The following B9D1 variants were observed in gnomAD, a reference collection of about 807,000 sequenced individuals.
B9D1 encodes B9 domain-containing protein 1.
In B9D1, 20 loss-of-function variants were observed where a neutral mutation model predicts 26.1. The ratio of observed to expected loss-of-function variants is 0.77; its 90% CI spans 0.54 to 1.12. The LOEUF (loss-of-function observed/expected upper bound fraction) is 1.12. Ranked by LOEUF, B9D1 falls within the 50% of genes most tolerant of loss-of-function variation. B9D1 has a pLI of 0.00. For missense variants in B9D1, 260 were observed against 273.7 expected (o/e 0.95, Z 0.35); for synonymous variants, 105 against 103.1 (o/e 1.02, Z -0.11).
At chr17:19,360,069 G>A (rs1171579911) in intron 2 of B9D1, among the ~76,000 whole-genome samples, 1 of 152,186 alleles carries the variant, frequency 6.6e-6, no homozygotes, top group Non-Finnish European at 1.5e-5. Context: ...CCTACTGCAG[G>A]TGTTGCTCTT....
At chr17:19,358,138 G>T (rs186786290) in intron 2 of B9D1, among the ~76,000 whole-genome samples, 187 bp from the exon 3 acceptor site, 1 of 151,986 alleles carries the variant, frequency 6.6e-6, no homozygotes, top group Non-Finnish European at 1.5e-5. Flanking sequence ...CTTTAACGCC[G>T]TAGCTTGACA....
At chr17:19,353,888 C>T (rs1300835132) in intron 3 of B9D1, among the ~76,000 whole-genome samples, 3 of 150,480 alleles carry the variant, frequency 2.0e-5, no homozygotes, top group Non-Finnish European at 3.0e-5. Context: ...TGCAGTGAGC[C>T]GAGATCGTGC....
At chr17:19,373,646 G>T (rs1471075738) in intron 1 of B9D1, among the ~76,000 whole-genome samples, 1 of 152,128 alleles carries the variant, frequency 6.6e-6, no homozygotes, top group East Asian at 1.9e-4. Flanking sequence ...TGATCCACCT[G>T]CCGCGGACTC....
chr17:19,369,997 A>G (rs1028414104), intron 1 of B9D1, among the ~76,000 whole-genome samples: 2 of 152,034 alleles, frequency 1.3e-5, no homozygotes, highest in African/African-American at 2.4e-5. Context: ...CTGCAGATTG[A>G]GAGAGGAAAC....
chr17:19,344,835 T>G (rs1280343606), intron 5 of B9D1, among the ~76,000 whole-genome samples: 2 of 152,190 alleles, frequency 1.3e-5, no homozygotes, highest in Non-Finnish European at 2.9e-5. Flanking sequence ...CAGGGAGCAC[T>G]GCCCACCAGC....
At chr17:19,376,229 G>A (rs906897514) in intron 1 of B9D1, among the ~76,000 whole-genome samples, 2 of 152,268 alleles carry the variant, frequency 1.3e-5, no homozygotes, top group Admixed American at 1.3e-4. Flanking sequence ...AGGAGTGACC[G>A]TTAATGGGTA....
upstream of B9D1, among the ~76,000 whole-genome samples, chr17:19,365,131 C>T (rs773253818): frequency 2.0e-5 from 3 of 152,262 alleles, no homozygotes; most frequent in South Asian, 2.1e-4. This position sits in a 1 kb window ranked among gnomAD's most constrained non-coding sequence, Gnocchi z 5.0. Flanking sequence ...GCCAGGGGGA[C>T]GGCCTGCACA....
intron 5 of B9D1, chr17:19,344,510 C>A: frequency 7.2e-6 from 2 of 279,640 alleles, no homozygotes; most frequent in South Asian, 2.7e-5. Flanking sequence ...GGCCCCGCCG[C>A]CGACACACCC....
At chr17:19,357,771 C>A (rs906343435) in intron 3 of B9D1, 69 bp downstream of exon 3, 6 of 1,129,002 alleles carry the variant, frequency 5.3e-6, no homozygotes, top group African/African-American at 1.5e-5. Flanking sequence ...CTGGATGAGG[C>A]AGAGGCTGTC....
At chr17:19,364,120 G>A (rs993711933), upstream of B9D1, among the ~76,000 whole-genome samples, 6 of 152,198 alleles carry the variant, frequency 3.9e-5, no homozygotes, top group South Asian at 1.2e-3. The surrounding 1 kb of genome is among the most constrained non-coding windows in gnomAD (Gnocchi z 4.3). Context: ...ACACAAGTTA[G>A]TTTTCAGCAA....
intron 1 of B9D1, among the ~76,000 whole-genome samples, chr17:19,361,370 A>C (rs1263835415): frequency 1.3e-5 from 2 of 152,134 alleles, no homozygotes; most frequent in African/African-American, 4.8e-5. Context: ...GGTGTAAGGG[A>C]ATGGTGCTGA....
Position 19,370,898 on chromosome 17 carries a change from C to G in B9D1, c.-298+6961G>C, listed in dbSNP as rs1282698467. On this transcript the variant is annotated intron_variant, in intron 1 of 5. Transcript: ENST00000477478. The surrounding 1 kb of genome is among the most constrained non-coding windows in gnomAD (Gnocchi z 5.1). ...CACTGAGCTGAGCCAAGGCAGGGGT[C>G]AATTCTGAAGGCCTGGATCCTCCAT... Among the ~76,000 whole-genome samples the G allele has an allele frequency of 2.0e-5, 3 of 152,190 alleles. No individual in the cohort carries two copies. The highest frequency in any genetic ancestry group is 4.4e-5 in the Non-Finnish European group (3 of 68,026).
chr17:19,342,550 G>A (rs561049203), downstream of B9D1, among the ~76,000 whole-genome samples: 2 of 152,234 alleles, frequency 1.3e-5, no homozygotes, highest in South Asian at 2.1e-4. Context: ...TCTTGTGAAG[G>A]TGGGGAGGCC....
At chr17:19,352,626 A>G (rs1032705139) in intron 3 of B9D1, among the ~76,000 whole-genome samples, 5 of 145,714 alleles carry the variant, frequency 3.4e-5, no homozygotes, top group Admixed American at 7.2e-5. Context: ...GGTTCAAGTG[A>G]TTGTCCTGCC....
At chr17:19,369,254 G>C (rs1220097478) in intron 1 of B9D1, among the ~76,000 whole-genome samples, 2 of 152,158 alleles carry the variant, frequency 1.3e-5, no homozygotes, top group Non-Finnish European at 2.9e-5. Flanking sequence ...TGTACGTCCA[G>C]GCAAAGAGCA....
intron 1 of B9D1, among the ~76,000 whole-genome samples, chr17:19,361,988 T>G (rs1242524006): frequency 2.0e-5 from 3 of 152,234 alleles, no homozygotes; most frequent in African/African-American, 7.2e-5. Flanking sequence ...AATAAATGAT[T>G]CCTCTAAAGT....
rs982612818 is a variant in B9D1 at position 19,372,851 on chromosome 17, C to T, written c.-298+5008G>A. Among the ~76,000 whole-genome samples, 6 of 152,216 alleles carry T rather than the reference C, an allele frequency of 3.9e-5. No homozygotes were observed. Among genetic ancestry groups the T allele is most frequent in the Non-Finnish European group, 7.3e-5 (5 of 68,040 alleles). On this transcript the variant is annotated intron_variant, in intron 1 of 5. Coordinates refer to the B9D1 transcript ENST00000477478. This position sits in a 1 kb window ranked among gnomAD's most constrained non-coding sequence, Gnocchi z 4.4. ...GCACCCTGCTCGGACAATTCACCTG[C>T]GCTCCTCAAAGTTTTTAACCACACC...
At chr17:19,335,547 C>T (rs1907372901), downstream of B9D1, 3 of 1,458,582 alleles carry the variant, frequency 2.1e-6, no homozygotes, top group Admixed American at 6.3e-5. Flanking sequence ...GGCAGTTGTC[C>T]CGAGGGCGTG....
rs766798349 is a variant in B9D1 at position 19,357,843 on chromosome 17, C to T, written c.241G>A (p.Gly81Ser). The change falls in exon 3 of 7, where the codon GGC (glycine) becomes AGC (serine). Residue 81 changes from glycine (G) to serine (S), a missense_variant. Transcript: ENST00000261499. ...DVTFKSTNPY[G>S]WPQIVLSVYG... ...CACAGGGCCCCTGCAGACTCACAGCCGTAGGGGTTGGTGCTTTTAAAGGTG... is the reference window on the plus strand; with the variant it reads ...CACAGGGCCCCTGCAGACTCACAGCTGTAGGGGTTGGTGCTTTTAAAGGTG... 17 of 1,612,382 alleles carry T rather than the reference C, an allele frequency of 1.1e-5. No homozygotes were observed. The highest frequency in any genetic ancestry group is 3.3e-5 in the South Asian group (3 of 91,034).
Sources: gnomAD v4.1 joint callset for allele counts (sites outside exome capture counted in the v4.1 genomes callset) on GRCh38, gnomAD v4.1.1 for gene constraint, Gnocchi (gnomAD v3.1) non-coding constraint, MANE v1.5 for transcripts, NCBI Gene and HGNC (gene_info 2026-07-23, HGNC 2026-07-21) for gene names.